The following CCDC91 variants were observed in gnomAD, a reference collection of about 807,000 sequenced individuals.
CCDC91 encodes coiled-coil domain-containing protein 91.
A neutral mutation model predicts 63.2 loss-of-function variants in CCDC91; 48 were observed. That is an observed-to-expected ratio of 0.76 (90% CI 0.60 to 0.97). The LOEUF is 0.97. Ranked by LOEUF, CCDC91 falls within the 50% of genes least tolerant of loss-of-function variation. The pLI, the probability that CCDC91 is intolerant of heterozygous loss-of-function variation, is 0.00. For synonymous variants in CCDC91, 167 were observed against 165.8 expected (o/e 1.01, Z -0.06); for missense variants, 500 against 494.6 (o/e 1.01, Z -0.10).
chr12:28,347,646 A>G (rs1172200642), intron 6 of CCDC91, among the ~76,000 whole-genome samples: 1 of 152,184 alleles, frequency 6.6e-6, no homozygotes, highest in Non-Finnish European at 1.5e-5. Context: ...CAGGCCCTTT[A>G]GAAATTATGA....
intron 7 of CCDC91, among the ~76,000 whole-genome samples, chr12:28,366,263 T>C (rs1189687220): frequency 1.3e-5 from 2 of 152,066 alleles, no homozygotes; most frequent in Non-Finnish European, 2.9e-5. Flanking sequence ...AGTAACTACA[T>C]AGTAGTGGGT....
chr12:28,539,258 T>C (rs1942442705), intron 12 of CCDC91, among the ~76,000 whole-genome samples: 1 of 152,220 alleles, frequency 6.6e-6, no homozygotes, highest in Non-Finnish European at 1.5e-5. Flanking sequence ...TTTAAGTCTT[T>C]AATCCATCTT....
chr12:28,236,595 G>A (rs1169846602), intron 1 of CCDC91: 3 of 151,920 alleles, frequency 2.0e-5, no homozygotes, highest in East Asian at 1.9e-4. Context: ...TATATAGAGT[G>A]ATGCGTAGTC....
intron 6 of CCDC91, among the ~76,000 whole-genome samples, chr12:28,344,195 C>A (rs908272240): frequency 6.6e-6 from 1 of 151,998 alleles, no homozygotes; most frequent in Non-Finnish European, 1.5e-5. Flanking sequence ...TAGTCACTAG[C>A]AAACTTAAAA....
At chr12:28,327,353 C>A (rs1941109743) in intron 6 of CCDC91, among the ~76,000 whole-genome samples, 2 of 152,122 alleles carry the variant, frequency 1.3e-5, no homozygotes, top group South Asian at 4.1e-4. Flanking sequence ...GCATGTTCAA[C>A]ATGGTGGCTC....
intron 12 of CCDC91, among the ~76,000 whole-genome samples, chr12:28,548,272 GTTGTT>G (rs1286917077): frequency 1.3e-5 from 2 of 151,964 alleles, no homozygotes. Flanking sequence ...TATTTTGTGT[GTTGTT>G]TTATTTTTTT....
rs532699408 is a variant in CCDC91 at position 28,519,348 on chromosome 12, C to G, written c.1216-29715C>G. The stretch of plus-strand genomic sequence containing the variant: ...CAGCTATTATAAAAGGGGTTGAGTA[C>G]GTGATTTGATTCTCAGCTTGGTCAC... On this transcript the variant is annotated intron_variant, in intron 12 of 12. Coordinates refer to ENST00000536442, the MANE Select transcript of CCDC91 (RefSeq NM_018318.5). Among the ~76,000 whole-genome samples, 56 of 151,710 alleles carry G rather than the reference C, an allele frequency of 3.7e-4. 3 individuals carry two copies. In the East Asian group the frequency reaches 0.011, roughly 29 times the overall value.
intron 1 of CCDC91, among the ~76,000 whole-genome samples, chr12:28,233,666 A>T (rs1944751436): frequency 6.6e-6 from 1 of 152,176 alleles, no homozygotes; most frequent in South Asian, 2.1e-4. Flanking sequence ...TTTTGTTAGC[A>T]TAAGTCAATT....
In CCDC91 at chr12:28,549,234, ACT is replaced by A; in HGVS notation, c.*64_*65del. ...ATCATATTACACCTTCAAAATACAC[ACT>A]CTGAATTATAAAGATGTGTTTGTTT... On this transcript the variant is annotated 3_prime_UTR_variant, in exon 13 of 13. Coordinates refer to ENST00000536442, the MANE Select transcript of CCDC91 (RefSeq NM_018318.5). 1 of 882,666 alleles carries A rather than the reference ACT, an allele frequency of 1.1e-6. No individual in the cohort carries two copies. Among genetic ancestry groups the A allele is most frequent in the Non-Finnish European group, 1.9e-6 (1 of 526,780 alleles). The allele number at this position is 882,666 out of a possible 1,614,324, so 54.7% of individuals were successfully genotyped here. A position where few individuals can be genotyped will look rare whatever the true frequency, so the allele number is the denominator to read the frequency against.
At chr12:28,535,869 A>T (rs1028606416) in intron 12 of CCDC91, among the ~76,000 whole-genome samples, 1 of 152,024 alleles carries the variant, frequency 6.6e-6, no homozygotes, top group Admixed American at 6.6e-5. Flanking sequence ...TCTACTAAAA[A>T]ATACAAAAAT....
At chr12:28,271,274 T>G (rs1947753026) in intron 3 of CCDC91, among the ~76,000 whole-genome samples, 1 of 152,074 alleles carries the variant, frequency 6.6e-6, no homozygotes, top group Non-Finnish European at 1.5e-5. Flanking sequence ...CACTGTCAAT[T>G]TTATATTTGT....
chr12:28,294,933 G>C (rs370993781), intron 3 of CCDC91, among the ~76,000 whole-genome samples: 5 of 152,230 alleles, frequency 3.3e-5, no homozygotes, highest in African/African-American at 1.2e-4. Flanking sequence ...TATCTTTATA[G>C]CAATGTGAGA....
chr12:28,482,792 A>G (rs1951516464), intron 11 of CCDC91, among the ~76,000 whole-genome samples: 1 of 151,934 alleles, frequency 6.6e-6, no homozygotes, highest in African/African-American at 2.4e-5. Flanking sequence ...GGTCCAAAGT[A>G]AATATCTGCA....
chr12:28,312,794 T>C lies in CCDC91; in HGVS notation c.576+5045T>C, dbSNP rs576106003. The stretch of plus-strand genomic sequence containing the variant: ...TTGTGATAGTAAATGTCTCACGAGA[T>C]CTGATGGTTTTATAAAGGGAAGTTT... On this transcript the variant is annotated intron_variant, in intron 6 of 12. Transcript: ENST00000536442. 5.3e-5 allele frequency among the ~76,000 whole-genome samples: 8 copies of C among 152,092 alleles called. No individual in the cohort carries two copies. The South Asian group carries it at 1.7e-3, about 32-fold the overall frequency.
chr12:28,451,308 T>C (rs1949791704), intron 10 of CCDC91, among the ~76,000 whole-genome samples: 1 of 151,570 alleles, frequency 6.6e-6, no homozygotes, highest in African/African-American at 2.4e-5. Flanking sequence ...AACAGACCAG[T>C]AGTAGTAGTT....
chr12:28,241,380 C>A (rs1945324151), intron 1 of CCDC91, among the ~76,000 whole-genome samples: 1 of 152,064 alleles, frequency 6.6e-6, no homozygotes, highest in African/African-American at 2.4e-5. Flanking sequence ...TCTACTGACT[C>A]CTGGTATTTG....
chr12:28,331,238 A>T (rs1306183242), intron 6 of CCDC91, among the ~76,000 whole-genome samples: 1 of 152,208 alleles, frequency 6.6e-6, no homozygotes, highest in Admixed American at 6.6e-5. Context: ...TTCTAGCCCC[A>T]CAGTATGTTT....
chr12:28,231,716 G>A (rs1944612667), intron 1 of CCDC91, among the ~76,000 whole-genome samples: 1 of 152,066 alleles, frequency 6.6e-6, no homozygotes, highest in African/African-American at 2.4e-5. Context: ...AAGGAATATT[G>A]TAGTATTATG....
At chr12:28,497,517 T>G (rs2141071925) in intron 12 of CCDC91, among the ~76,000 whole-genome samples, 1 of 151,742 alleles carries the variant, frequency 6.6e-6, no homozygotes, top group Middle Eastern at 3.4e-3. Context: ...ATTGCAAAGT[T>G]AGATTCCACC....
Sources: gnomAD v4.1 joint callset for allele counts (sites outside exome capture counted in the v4.1 genomes callset) on GRCh38, gnomAD v4.1.1 for gene constraint, MANE v1.5 for transcripts, NCBI Gene and HGNC (gene_info 2026-07-23, HGNC 2026-07-21) for gene names.